Variants in NIPAL4 observed in about 807,000 individuals in gnomAD.
The protein encoded by NIPAL4 is magnesium transporter NIPA4.
In NIPAL4, 21 loss-of-function variants were observed where a neutral mutation model predicts 31.6. The observed-to-expected ratio is 0.67, with a 90% confidence interval of 0.47 to 0.96. The LOEUF is 0.96. NIPAL4 is among the 40% of genes least tolerant of loss of function. The pLI is 0.00. For synonymous variants in NIPAL4, 175 were observed against 211.1 expected, an observed-to-expected ratio of 0.83 and a Z score of 1.48; for missense variants, 438 against 508.0, an observed-to-expected ratio of 0.86 and a Z score of 1.32.
chr5:157,471,918 C>A, intron 5 of NIPAL4, 101 bp downstream of exon 5: 2 of 867,698 alleles, frequency 2.3e-6, no homozygotes, highest in Non-Finnish European at 3.8e-6. Flanking sequence ...TCAGGTGCTG[C>A]CACCTAGAGG....
chr5:157,471,497 C>T (rs1754432909), intron 4 of NIPAL4, among the ~76,000 whole-genome samples, 160 bp from the exon 5 acceptor site: 1 of 152,022 alleles, frequency 6.6e-6, no homozygotes, highest in Middle Eastern at 3.2e-3. Flanking sequence ...CATGATTTGC[C>T]CATGGTAACG....
Position 157,462,955 on chromosome 5 carries a change from T to C in NIPAL4, c.38-139T>C, listed in dbSNP as rs114432814. ...CGTAAGCACTCACTGAACATAATTA[T>C]TTTTAGGTGGAGGCACGGTATATGG... On this transcript the variant is annotated intron_variant, in intron 1 of 5. Transcript: ENST00000311946. The C allele has an allele frequency of 6.5e-3, 6,861 of 1,053,592 alleles. 50 individuals carry two copies. Among genetic ancestry groups the C allele is most frequent in the African/African-American group, 0.027 (1,686 of 62,514 alleles). The allele number at this position is 1,053,592 out of a possible 1,614,324, so 65.3% of individuals were successfully genotyped here.
chr5:157,473,025 C>G lies in NIPAL4; in HGVS notation c.*65C>G. 7.3e-7 allele frequency: 1 copy of G among 1,373,064 alleles called. No individual in the cohort carries two copies. Among genetic ancestry groups the G allele is most frequent in the Non-Finnish European group, 9.7e-7 (1 of 1,032,044 alleles). The allele number at this position is 1,373,064 out of a possible 1,614,324, so 85.1% of individuals were successfully genotyped here. A position where few individuals can be genotyped will look rare whatever the true frequency, so the allele number is the denominator to read the frequency against. ...CAGCCTGCCCTCCCAATTTCAAAAC[C>G]ACCTGGTTATTTTCCAGTGCAACTG... On this transcript the variant is annotated 3_prime_UTR_variant, in exon 6 of 6. Coordinates refer to ENST00000311946, the MANE Select transcript of NIPAL4 (RefSeq NM_001099287.2).
chr5:157,471,406 A>C (rs1754429537), intron 4 of NIPAL4, among the ~76,000 whole-genome samples: 1 of 152,218 alleles, frequency 6.6e-6, no homozygotes, highest in African/African-American at 2.4e-5. Context: ...TATCTCATTT[A>C]GTTCCTGAGA....
At chr5:157,467,450 C>T (rs1754308459) in intron 3 of NIPAL4, 1 of 296,716 alleles carries the variant, frequency 3.4e-6, no homozygotes, top group Non-Finnish European at 6.7e-6. Flanking sequence ...GGCCAACTTC[C>T]CCCAGTCCGC....
intron 2 of NIPAL4, among the ~76,000 whole-genome samples, chr5:157,466,340 G>A (rs1167280425): frequency 6.6e-6 from 1 of 152,242 alleles, no homozygotes; most frequent in South Asian, 2.1e-4. Context: ...AGGGCCAAAA[G>A]TATGCATGCT....
chr5:157,470,775 T>C (rs1053230230), intron 4 of NIPAL4, among the ~76,000 whole-genome samples: 1 of 152,316 alleles, frequency 6.6e-6, no homozygotes, highest in Non-Finnish European at 1.5e-5. Flanking sequence ...AAACCTACAA[T>C]GGCCTCATTT....
At chr5:157,460,703 T>C (rs1581263816) in intron 1 of NIPAL4, 2 of 511,686 alleles carry the variant, frequency 3.9e-6, no homozygotes, top group Admixed American at 2.3e-5. Flanking sequence ...TTGCTTCAGG[T>C]TTTAGTACCT....
rs1231721972 is a variant in NIPAL4, at chr5:157,473,631, G to GCATCCACCCAGTC, written c.*677_*689dup. 1.3e-5 allele frequency: 2 copies of GCATCCACCCAGTC among 152,266 alleles called. No homozygotes were observed. The highest frequency in any genetic ancestry group is 4.8e-5 in the African/African-American group (2 of 41,418). 9.4% of individuals were successfully genotyped at this position (152,266 alleles called of 1,614,324 possible). On this transcript the variant is annotated 3_prime_UTR_variant, in exon 6 of 6. Coordinates refer to ENST00000311946, the MANE Select transcript of NIPAL4 (RefSeq NM_001099287.2). The stretch of plus-strand genomic sequence containing the variant: ...CTCCAGCCTGGCAGTCAGCACCTCG[G>GCATCCACCCAGTC]CATCCACCCAGTCCATCCCACCATC...
chr5:157,471,550 A>C, intron 4 of NIPAL4, 107 bp from the exon 5 acceptor site: 1 of 829,532 alleles, frequency 1.2e-6, no homozygotes, highest in South Asian at 2.1e-5. Context: ...GAAACTAGTG[A>C]GTTCTGATCT....
rs367993555 is a variant in NIPAL4 at position 157,472,802 on chromosome 5, G to A, written c.1057G>A (p.Ala353Thr). ...TTTCAAAGACCTGGACATCAGCTGC[G>A]CCAGCTTGCCCCACATGCACAAAAA... ...HAFKDLDISCASLPHMHKNPP... is the reference protein window; with the variant it reads ...HAFKDLDISCTSLPHMHKNPP... Residue 353 changes from alanine to threonine, a missense_variant, in exon 6 of 6, where the codon GCC (alanine) becomes ACC (threonine). Ala to Thr is a moderately conservative substitution (Grantham distance 58). Transcript: ENST00000311946. 68 of 1,606,172 alleles carry A rather than the reference G, an allele frequency of 4.2e-5. No individual in the cohort carries two copies. Among genetic ancestry groups the A allele is most frequent in the Admixed American group, 3.2e-4 (19 of 59,898 alleles).
At chr5:157,471,922 C>G in intron 5 of NIPAL4, 105 bp downstream of exon 5, 1 of 834,498 alleles carries the variant, frequency 1.2e-6, no homozygotes, top group Non-Finnish European at 2.0e-6. Context: ...GTGCTGCCAC[C>G]TAGAGGAGAA....
chr5:157,470,040 G>A (rs1040120001), intron 4 of NIPAL4, among the ~76,000 whole-genome samples: 1 of 152,096 alleles, frequency 6.6e-6, no homozygotes, highest in Non-Finnish European at 1.5e-5. Flanking sequence ...AAATATTTTT[G>A]GTAGTTTCAG....
chr5:157,465,673 C>T (rs1754252903), intron 2 of NIPAL4, among the ~76,000 whole-genome samples: 1 of 152,086 alleles, frequency 6.6e-6, no homozygotes, highest in Admixed American at 6.6e-5. Flanking sequence ...ACAACAATGC[C>T]ATGAAAGAGA....
intron 1 of NIPAL4, chr5:157,460,626 T>G: frequency 1.8e-6 from 1 of 545,982 alleles, no homozygotes; most frequent in Non-Finnish European, 3.5e-6. Flanking sequence ...GGCAGGCATT[T>G]TGACGACAGC....
rs1484788714 is a variant in NIPAL4 at position 157,460,269 on chromosome 5, G to A, written c.-52G>A. ...AGTCGCGGCCACCTGCTCCGGAGCT[G>A]GGGAGCCCGGGCGCCGTCCGCCCGC... is the stretch of plus-strand genomic sequence containing the variant. On this transcript the variant is annotated 5_prime_UTR_variant, in exon 1 of 6. Transcript: ENST00000311946. The A allele has an allele frequency of 5.8e-6, 9 of 1,544,850 alleles. No homozygotes were observed. Among genetic ancestry groups the A allele is most frequent in the Non-Finnish European group, 7.9e-6 (9 of 1,144,746 alleles).
Position 157,472,962 on chromosome 5 carries a change from G to A in NIPAL4, c.*2G>A. ...AAAGTATTTATAATCCATTCCTGAA[G>A]CTTGGAATATGTGAGTGAGAGGATG... On this transcript the variant is annotated 3_prime_UTR_variant, in exon 6 of 6. Coordinates refer to ENST00000311946, the MANE Select transcript of NIPAL4 (RefSeq NM_001099287.2). The A allele has an allele frequency of 6.6e-7, 1 of 1,509,894 alleles. No homozygotes were observed. Among genetic ancestry groups the A allele is most frequent in the Non-Finnish European group, 8.8e-7 (1 of 1,132,090 alleles). 93.5% of individuals were successfully genotyped at this position (1,509,894 alleles called of 1,614,324 possible). A position where few individuals can be genotyped will look rare whatever the true frequency, so the allele number is the denominator to read the frequency against.
rs753248347 is a variant in NIPAL4 at position 157,463,116 on chromosome 5, C to T, written c.60C>T (p.Cys20=). Residue 20 remains cysteine (C), a synonymous_variant, in exon 2 of 6, where the codon TGC becomes TGT. Transcript: ENST00000311946. ...CENGSLLHLY[C]SSQEVLCQIV... is the part of the protein sequence containing the mutation. The stretch of plus-strand genomic sequence containing the variant: ...CAGGTTCCCTGCTCCACCTCTACTG[C>T]TCCTCCCAAGAAGTCCTGTGCCAGA... 4 of 1,614,022 alleles carry T rather than the reference C, an allele frequency of 2.5e-6. No individual in the cohort carries two copies. The highest frequency in any genetic ancestry group is 3.4e-6 in the Non-Finnish European group (4 of 1,179,900).
chr5:157,471,679 CT>C lies in NIPAL4; in HGVS notation c.449del (p.Leu150ArgfsTer5). On this transcript the variant is annotated frameshift_variant, in exon 5 of 6. Transcript: ENST00000311946. LOFTEE classifies it high-confidence loss of function. Reference sequence around the variant, plus strand: ...CAGTGCCATCCTCTCCTCATATTTCCTGAGGGAGAGTCTGAACCTGCTGGGG... The same window carrying C: ...CAGTGCCATCCTCTCCTCATATTTCCGAGGGAGAGTCTGAACCTGCTGGGG... Reference protein sequence around the residue: ...LISAILSSYFLRESLNLLGKL... With the variant: ...LISAILSSYFXRESLNLLGKL... 1 of 1,608,674 alleles carries C rather than the reference CT, an allele frequency of 6.2e-7. No individual in the cohort carries two copies. Among genetic ancestry groups the C allele is most frequent in the Non-Finnish European group, 8.5e-7 (1 of 1,177,534 alleles).
Sources: gnomAD v4.1 joint callset for allele counts (sites outside exome capture counted in the v4.1 genomes callset) on GRCh38, gnomAD v4.1.1 for gene constraint, MANE v1.5 for transcripts, NCBI Gene and HGNC (gene_info 2026-07-23, HGNC 2026-07-21) for gene names.